PAK5: variants seen among roughly 807,000 people sequenced by gnomAD.
The protein encoded by PAK5 is serine/threonine-protein kinase PAK 5.
Under a neutral mutation model 65.9 loss-of-function variants are expected in PAK5, and 16 were observed. The ratio of observed to expected loss-of-function variants is 0.24; its 90% CI spans 0.16 to 0.37. The LOEUF (loss-of-function observed/expected upper bound fraction) is 0.37. Ranked by LOEUF, PAK5 falls within the 10% of genes least tolerant of loss-of-function variation. The pLI is 1.00. For synonymous variants in PAK5, 371 were observed against 354.9 expected (o/e 1.05, Z -0.51); for missense variants, 785 against 903.9 (o/e 0.87, Z 1.69).
intron 3 of PAK5, among the ~76,000 whole-genome samples, chr20:9,625,983 C>T (rs2046838560): frequency 6.6e-6 from 1 of 152,118 alleles, no homozygotes; most frequent in African/African-American, 2.4e-5. Flanking sequence ...GCAGGTGCCA[C>T]CAGCTAATTG....
chr20:9,791,690 A>G (rs2049051888), intron 1 of PAK5, among the ~76,000 whole-genome samples: 2 of 152,124 alleles, frequency 1.3e-5, no homozygotes, highest in Non-Finnish European at 2.9e-5. Flanking sequence ...CTGCTCTATT[A>G]TAATTACTTT....
intron 1 of PAK5, among the ~76,000 whole-genome samples, chr20:9,779,844 T>A (rs1005027985): frequency 1.3e-5 from 2 of 152,122 alleles, no homozygotes; most frequent in Non-Finnish European, 2.9e-5. Flanking sequence ...TTAACCAAGA[T>A]AATTGTTACA....
At chr20:9,795,120 C>T (rs2049091185) in intron 1 of PAK5, among the ~76,000 whole-genome samples, 1 of 152,016 alleles carries the variant, frequency 6.6e-6, no homozygotes, top group Non-Finnish European at 1.5e-5. Flanking sequence ...CCTAGGTACT[C>T]ATTTTCCAAG....
At chr20:9,628,760 T>C (rs1001874928) in intron 3 of PAK5, among the ~76,000 whole-genome samples, 5 of 152,152 alleles carry the variant, frequency 3.3e-5, no homozygotes, top group African/African-American at 1.2e-4. Flanking sequence ...CTGCAGAAAT[T>C]TCCTATCCAT....
chr20:9,693,934 T>A (rs1036963094), intron 2 of PAK5, among the ~76,000 whole-genome samples: 4 of 152,112 alleles, frequency 2.6e-5, no homozygotes, highest in African/African-American at 9.6e-5. Flanking sequence ...TGGAATTAAC[T>A]GTATATAGAG....
rs932351814 is a variant in PAK5, at chr20:9,593,824, CTT to C, written c.205-12896_205-12895del. ...CCCAAGGATCTCTCTCTCTCTCTCTCTTTCTCTCTCTCTCTCTCTCTCCCCCT... is the reference window on the plus strand; with the variant it reads ...CCCAAGGATCTCTCTCTCTCTCTCTCTCTCTCTCTCTCTCTCTCTCCCCCT... On this transcript the variant is annotated intron_variant, in intron 3 of 9. Transcript: ENST00000353224. Among the ~76,000 whole-genome samples the C allele has an allele frequency of 1.5e-4, 23 of 151,622 alleles. 1 individual carries two copies. The highest frequency in any genetic ancestry group is 5.1e-4 in the African/African-American group (21 of 41,476).
chr20:9,790,012 G>A (rs1180626675), intron 1 of PAK5, among the ~76,000 whole-genome samples: 4 of 152,108 alleles, frequency 2.6e-5, no homozygotes, highest in African/African-American at 4.8e-5. Context: ...AGACATTGAG[G>A]AGGGAGCTGG....
intron 1 of PAK5, among the ~76,000 whole-genome samples, chr20:9,787,591 A>G (rs1369479284): frequency 6.6e-6 from 1 of 150,724 alleles, no homozygotes; most frequent in African/African-American, 2.4e-5. Flanking sequence ...AGAAAAACTG[A>G]CGCTTACTCT....
chr20:9,609,239 G>C (rs994258582), intron 3 of PAK5, among the ~76,000 whole-genome samples: 1 of 152,186 alleles, frequency 6.6e-6, no homozygotes, highest in African/African-American at 2.4e-5. Context: ...TAATTTGCAA[G>C]CTGATGAGTT....
At chr20:9,556,055 C>A (rs1459647953) in intron 7 of PAK5, among the ~76,000 whole-genome samples, 2 of 152,210 alleles carry the variant, frequency 1.3e-5, no homozygotes, top group Admixed American at 6.5e-5. Flanking sequence ...GGAGTCAGCA[C>A]AAATACTGGC....
chr20:9,721,732 T>G (rs189141222), intron 1 of PAK5, among the ~76,000 whole-genome samples: 159 of 150,496 alleles, frequency 1.1e-3, no homozygotes, highest in East Asian at 4.5e-3. Flanking sequence ...TTCATAGTTT[T>G]TGTGTGTGTG....
rs756767114 is a variant in PAK5, at chr20:9,662,804, G to C, written c.-11-18465C>G. Among the ~76,000 whole-genome samples, 3 of 151,992 alleles carry C rather than the reference G, an allele frequency of 2.0e-5. 1 individual carries two copies. Among genetic ancestry groups the C allele is most frequent in the African/African-American group, 7.3e-5 (3 of 41,374 alleles). On this transcript the variant is annotated intron_variant, in intron 2 of 9. Coordinates refer to ENST00000353224, the MANE Select transcript of PAK5 (RefSeq NM_177990.4). ...TTTTTTCTGATAACAACACTATGCTGTCAGCAAATAGCATTAGCCTCACAT... is the reference window on the plus strand; with the variant it reads ...TTTTTTCTGATAACAACACTATGCTCTCAGCAAATAGCATTAGCCTCACAT...
chr20:9,765,368 T>C (rs1368806392), intron 1 of PAK5, among the ~76,000 whole-genome samples: 1 of 152,198 alleles, frequency 6.6e-6, no homozygotes, highest in Non-Finnish European at 1.5e-5. Flanking sequence ...AATTTATTCA[T>C]AGTAGTAACT....
intron 1 of PAK5, among the ~76,000 whole-genome samples, chr20:9,753,738 A>C (rs2048602295): frequency 6.6e-6 from 1 of 152,180 alleles, no homozygotes; most frequent in Non-Finnish European, 1.5e-5. Flanking sequence ...CTGAAAACAC[A>C]ATCCCAAATA....
At chr20:9,574,668 G>C (rs1011942861) in intron 4 of PAK5, among the ~76,000 whole-genome samples, 5 of 152,188 alleles carry the variant, frequency 3.3e-5, no homozygotes, top group Admixed American at 3.3e-4. Flanking sequence ...GAGCATTCAT[G>C]GGAAGAAGTG....
intron 1 of PAK5, among the ~76,000 whole-genome samples, chr20:9,808,769 G>A (rs914279284): frequency 1.3e-5 from 2 of 152,150 alleles, no homozygotes; most frequent in Non-Finnish European, 2.9e-5. Context: ...TGGTGACTGA[G>A]TTTCTTTCTG....
chr20:9,699,139 T>TG lies in PAK5; in HGVS notation c.-12+12146dup, dbSNP rs201225643. 6.1e-3 allele frequency among the ~76,000 whole-genome samples: 931 copies of TG among 152,264 alleles called. 8 individuals carry two copies. The highest frequency in any genetic ancestry group is 0.044 in the Middle Eastern group (13 of 294). ...AACCAGATCTCTGCTTGCTGTCTTTTGTGTCCTATCAGCTGCAATAAGCCA... is the reference window on the plus strand; with the variant it reads ...AACCAGATCTCTGCTTGCTGTCTTTTGGTGTCCTATCAGCTGCAATAAGCCA... On this transcript the variant is annotated intron_variant, in intron 2 of 9. Transcript: ENST00000353224.
chr20:9,613,823 C>A (rs1439107231), intron 3 of PAK5, among the ~76,000 whole-genome samples: 1 of 152,114 alleles, frequency 6.6e-6, no homozygotes, highest in African/African-American at 2.4e-5. Context: ...CAGACTGGGT[C>A]CTAATCACAG....
intron 1 of PAK5, among the ~76,000 whole-genome samples, chr20:9,814,906 A>G (rs1212526297): frequency 2.6e-5 from 4 of 152,142 alleles, no homozygotes; most frequent in Non-Finnish European, 5.9e-5. Flanking sequence ...ATTTATAAAG[A>G]AAAAAGGTTT....
Sources: allele counts gnomAD v4.1 joint callset (sites outside exome capture counted in the v4.1 genomes callset), GRCh38; gene constraint gnomAD v4.1.1; transcripts MANE v1.5; gene names NCBI Gene and HGNC (gene_info 2026-07-23, HGNC 2026-07-21).